Variants in TMEM132D observed in about 807,000 individuals in gnomAD.
The protein encoded by TMEM132D is mature OL transmembrane protein.
A neutral mutation model predicts 62.3 loss-of-function variants in TMEM132D; 21 were observed. The observed-to-expected ratio is 0.34, with a 90% confidence interval of 0.24 to 0.49. TMEM132D has a LOEUF of 0.49. TMEM132D is among the 20% of genes least tolerant of loss of function. The pLI is 0.99. For missense variants in TMEM132D, 1,346 were observed against 1,402.8 expected (o/e 0.96, Z 0.65); for synonymous variants, 621 against 575.6 (o/e 1.08, Z -1.13).
At chr12:129,463,648 C>T (rs1161426858) in intron 3 of TMEM132D, among the ~76,000 whole-genome samples, 7 of 151,808 alleles carry the variant, frequency 4.6e-5, no homozygotes, top group South Asian at 2.1e-4. Context: ...CAACAGGCCC[C>T]GATGTGTGAT....
At chr12:129,459,602 G>A (rs1404629919) in intron 3 of TMEM132D, among the ~76,000 whole-genome samples, 1 of 152,190 alleles carries the variant, frequency 6.6e-6, no homozygotes, top group African/African-American at 2.4e-5. Context: ...CTGTGTTCAA[G>A]TTAGTGTTTC....
intron 8 of TMEM132D, among the ~76,000 whole-genome samples, chr12:129,075,682 GA>G (rs1874227931): frequency 1.3e-5 from 2 of 152,210 alleles, no homozygotes; most frequent in Admixed American, 1.3e-4. Flanking sequence ...GACAGCAGGA[GA>G]GGGAGAAGCA....
intron 1 of TMEM132D, among the ~76,000 whole-genome samples, chr12:129,892,111 TC>T (rs1224056437): frequency 1.3e-5 from 2 of 152,154 alleles, no homozygotes; most frequent in Non-Finnish European, 2.9e-5. Flanking sequence ...TGTCTTAAAT[TC>T]CCATCCTTAC....
At chr12:129,399,605 G>A (rs1871552754) in intron 3 of TMEM132D, among the ~76,000 whole-genome samples, 1 of 147,224 alleles carries the variant, frequency 6.8e-6, no homozygotes. Context: ...ACCACAGAAC[G>A]TATTTACCTG....
chr12:129,600,819 T>C (rs1376303484), intron 2 of TMEM132D, among the ~76,000 whole-genome samples: 1 of 152,166 alleles, frequency 6.6e-6, no homozygotes, highest in Non-Finnish European at 1.5e-5. Context: ...TGTGCTGTCA[T>C]CCAGGCTTTG....
chr12:129,111,303 C>A (rs944084212), intron 5 of TMEM132D: 2 of 152,332 alleles, frequency 1.3e-5, no homozygotes, highest in Non-Finnish European at 2.9e-5. Flanking sequence ...TTTCCCAGAG[C>A]CTCTGGAAGG....
chr12:129,720,489 C>A (rs1322899287), intron 1 of TMEM132D, among the ~76,000 whole-genome samples: 2 of 152,132 alleles, frequency 1.3e-5, no homozygotes, highest in African/African-American at 4.8e-5. Context: ...CTGAAAAATT[C>A]TTCTGATTGA....
intron 5 of TMEM132D, among the ~76,000 whole-genome samples, chr12:129,142,356 A>G (rs1876770019): frequency 6.6e-6 from 1 of 152,216 alleles, no homozygotes; most frequent in Non-Finnish European, 1.5e-5. Flanking sequence ...AAATAAAAAC[A>G]GAAATTAGAG....
At chr12:129,647,141 T>C (rs1051203916) in intron 2 of TMEM132D, among the ~76,000 whole-genome samples, 16 of 138,462 alleles carry the variant, frequency 1.2e-4, no homozygotes, top group African/African-American at 2.9e-4. Flanking sequence ...TATATATATA[T>C]ACTCACAAAC....
intron 3 of TMEM132D, among the ~76,000 whole-genome samples, chr12:129,395,246 G>A (rs929922075): frequency 7.2e-5 from 11 of 152,184 alleles, no homozygotes; most frequent in African/African-American, 2.7e-4. Flanking sequence ...AATGGTGCTT[G>A]ATATGAGGCT....
At chr12:129,148,233 T>C (rs1024382109) in intron 5 of TMEM132D, among the ~76,000 whole-genome samples, 2 of 152,104 alleles carry the variant, frequency 1.3e-5, no homozygotes, top group Non-Finnish European at 2.9e-5. Flanking sequence ...TTGACTAAGA[T>C]AAAATCTATA....
intron 3 of TMEM132D, among the ~76,000 whole-genome samples, chr12:129,435,449 T>C (rs1349499968): frequency 6.6e-6 from 1 of 152,230 alleles, no homozygotes; most frequent in African/African-American, 2.4e-5. Flanking sequence ...AGTGTATATG[T>C]GTCCTCATTT....
intron 3 of TMEM132D, among the ~76,000 whole-genome samples, chr12:129,438,382 T>C (rs1872845988): frequency 6.6e-6 from 1 of 152,138 alleles, no homozygotes. Context: ...TATCCACCCA[T>C]AGAATAGACA....
chr12:129,512,336 G>A (rs1875519575), intron 3 of TMEM132D, among the ~76,000 whole-genome samples: 2 of 152,190 alleles, frequency 1.3e-5, no homozygotes, highest in Non-Finnish European at 2.9e-5. Flanking sequence ...CTACTGGAGA[G>A]AGACTTTGTA....
At chr12:129,719,561 C>A (rs1032678698) in intron 1 of TMEM132D, among the ~76,000 whole-genome samples, 1 of 152,180 alleles carries the variant, frequency 6.6e-6, no homozygotes, top group African/African-American at 2.4e-5. Flanking sequence ...CTGAATCACA[C>A]GGGACACATT....
intron 2 of TMEM132D, among the ~76,000 whole-genome samples, chr12:129,639,876 T>C (rs1048429838): frequency 4.6e-5 from 7 of 152,120 alleles, no homozygotes; most frequent in African/African-American, 1.4e-4. Flanking sequence ...AGATTTGGGA[T>C]AATTGTGAAA....
At chr12:129,222,433 T>TAGAA (rs911625651) in intron 4 of TMEM132D, among the ~76,000 whole-genome samples, 2 of 152,150 alleles carry the variant, frequency 1.3e-5, no homozygotes, top group African/African-American at 4.8e-5. Context: ...AACTCTTCTA[T>TAGAA]GTTATAAAGG....
At chr12:129,810,075 C>G (rs1872122283) in intron 1 of TMEM132D, among the ~76,000 whole-genome samples, 1 of 152,204 alleles carries the variant, frequency 6.6e-6, no homozygotes, top group South Asian at 2.1e-4. Context: ...AGCAATTTTC[C>G]CAGCGTAATC....
chr12:129,075,244 TGCAAAAAA>T (rs1260825596), intron 8 of TMEM132D, among the ~76,000 whole-genome samples, 185 bp from the exon 9 acceptor site: 1 of 149,370 alleles, frequency 6.7e-6, no homozygotes, highest in Non-Finnish European at 1.5e-5. Flanking sequence ...CTCACAAAGA[TGCAAAAAA>T]GCAAAATAAA....
Sources: allele counts gnomAD v4.1 joint callset (sites outside exome capture counted in the v4.1 genomes callset), GRCh38; gene constraint gnomAD v4.1.1; transcripts MANE v1.5; gene names NCBI Gene and HGNC (gene_info 2026-07-23, HGNC 2026-07-21).